Variants in PEX5L observed in about 807,000 individuals in gnomAD.
PEX5L encodes the protein peroxisomal biogenesis factor 5 like.
In PEX5L, 30 loss-of-function variants were observed where a neutral mutation model predicts 84.0. The observed-to-expected ratio is 0.36, with a 90% CI of 0.27 to 0.48. The LOEUF (loss-of-function observed/expected upper bound fraction) is 0.48. Among genes scored for constraint, PEX5L ranks in the 20% least tolerant of loss-of-function variants. The pLI, the probability that PEX5L is intolerant of heterozygous loss-of-function variation, is 0.99. For missense variants in PEX5L, 533 were observed against 754.6 expected (o/e 0.71, Z 3.44); for synonymous variants, 270 against 283.1 (o/e 0.95, Z 0.46).
intron 2 of PEX5L, among the ~76,000 whole-genome samples, chr3:179,950,861 G>GT (rs1298736705): frequency 6.6e-6 from 1 of 152,194 alleles, no homozygotes; most frequent in African/African-American, 2.4e-5. Context: ...GAGGAAATTG[G>GT]TAAGTATTCT....
chr3:179,809,393 G>A (rs1221815084), intron 12 of PEX5L, 78 bp downstream of exon 12: 2 of 1,040,794 alleles, frequency 1.9e-6, no homozygotes, highest in African/African-American at 1.6e-5. Context: ...TAGGGTGTGA[G>A]GCTCATTAGT....
At chr3:179,888,079 G>C in intron 3 of PEX5L, 1 of 1,028,564 alleles carries the variant, frequency 9.7e-7, no homozygotes, top group Non-Finnish European at 1.3e-6. Flanking sequence ...AAAATGACAC[G>C]TATTGAATCA....
rs1204423418 is a variant in PEX5L at position 179,800,337 on chromosome 3, A to G, written c.*1491T>C. 1.3e-5 allele frequency: 2 copies of G among 152,218 alleles called. No individual in the cohort carries two copies. The highest frequency in any genetic ancestry group is 4.8e-5 in the African/African-American group (2 of 41,450). 9.4% of individuals were successfully genotyped at this position (152,218 alleles called of 1,614,324 possible). A position where few individuals can be genotyped will look rare whatever the true frequency, so the allele number is the denominator to read the frequency against. On this transcript the variant is annotated 3_prime_UTR_variant, in exon 15 of 15. Coordinates refer to ENST00000467460, the MANE Select transcript of PEX5L (RefSeq NM_016559.3). Reference sequence around the variant, plus strand: ...GCTATTATTATCAAAGAACATAAATAAAAAGTTGTTAGGATTAGCTACTGT... The same window carrying G: ...GCTATTATTATCAAAGAACATAAATGAAAAGTTGTTAGGATTAGCTACTGT...
At chr3:180,032,238 G>T (rs763678987) in intron 1 of PEX5L, among the ~76,000 whole-genome samples, 11 of 152,164 alleles carry the variant, frequency 7.2e-5, no homozygotes, top group South Asian at 2.1e-4. Context: ...CTTCAACAGA[G>T]TTCTAGTTAA....
intron 1 of PEX5L, among the ~76,000 whole-genome samples, chr3:180,030,419 C>T (rs1265526958): frequency 6.6e-6 from 1 of 152,170 alleles, no homozygotes. Flanking sequence ...TTACCTTACC[C>T]TAACTTAACA....
At chr3:179,949,052 CAT>C (rs1160755793) in intron 2 of PEX5L, among the ~76,000 whole-genome samples, 2 of 152,110 alleles carry the variant, frequency 1.3e-5, no homozygotes, top group Non-Finnish European at 1.5e-5. Flanking sequence ...TTAGATGAAA[CAT>C]GTGGCCGTAT....
intron 2 of PEX5L, among the ~76,000 whole-genome samples, chr3:179,923,310 A>AAAC (rs1770388088): frequency 6.6e-6 from 1 of 151,586 alleles, no homozygotes; most frequent in Non-Finnish European, 1.5e-5. Context: ...AAAAAAAAAA[A>AAAC]ACACCCTCAA....
intron 1 of PEX5L, among the ~76,000 whole-genome samples, chr3:179,985,342 A>T (rs763286334): frequency 6.6e-6 from 1 of 152,242 alleles, no homozygotes; most frequent in African/African-American, 2.4e-5. Flanking sequence ...AGACAGAAAT[A>T]GAAGAATGGC....
intron 9 of PEX5L, among the ~76,000 whole-genome samples, chr3:179,818,867 CA>C (rs568749705): frequency 1.9e-4 from 28 of 145,920 alleles, no homozygotes; most frequent in African/African-American, 7.2e-4. Context: ...TTTTTTAAGA[CA>C]GGGTCTCATT....
At chr3:180,024,889 C>T (rs1482325095) in intron 1 of PEX5L, among the ~76,000 whole-genome samples, 1 of 152,072 alleles carries the variant, frequency 6.6e-6, no homozygotes, top group Non-Finnish European at 1.5e-5. Flanking sequence ...TGTTGACAAC[C>T]AGCTGAAGTG....
At chr3:180,027,585 C>T (rs1321254565) in intron 1 of PEX5L, among the ~76,000 whole-genome samples, 3 of 152,030 alleles carry the variant, frequency 2.0e-5, no homozygotes, top group African/African-American at 4.8e-5. Context: ...CGTGTATGTC[C>T]TATGAACAAG....
At chr3:179,941,944 C>A (rs1776216303) in intron 2 of PEX5L, among the ~76,000 whole-genome samples, 1 of 143,360 alleles carries the variant, frequency 7.0e-6, no homozygotes, top group South Asian at 2.2e-4. Context: ...TCGCTTGAAC[C>A]CGGGAGGCGG....
intron 8 of PEX5L, among the ~76,000 whole-genome samples, chr3:179,829,997 A>T (rs530753022): frequency 7.4e-4 from 92 of 123,942 alleles, no homozygotes; most frequent in Non-Finnish European, 1.3e-3. Flanking sequence ...GGGTTTCACC[A>T]TGTTGGCCAG....
At chr3:179,879,831 C>T (rs1753623407) in intron 5 of PEX5L, 98 bp downstream of exon 5, 2 of 819,300 alleles carry the variant, frequency 2.4e-6, no homozygotes, top group South Asian at 2.3e-5. Flanking sequence ...CTTTTCTACT[C>T]CTTTGTTCTC....
At chr3:179,884,902 G>A (rs538943079) in intron 4 of PEX5L, among the ~76,000 whole-genome samples, 22 of 152,084 alleles carry the variant, frequency 1.4e-4, no homozygotes, top group African/African-American at 4.6e-4. Flanking sequence ...CAAAAGATAC[G>A]TTCTTTTAGG....
chr3:180,029,218 G>T (rs534301827), intron 1 of PEX5L, among the ~76,000 whole-genome samples: 1 of 151,876 alleles, frequency 6.6e-6, no homozygotes, highest in African/African-American at 2.4e-5. Context: ...TAATAGAGAC[G>T]GGGTTTCACC....
chr3:180,023,800 A>AG lies in PEX5L; in HGVS notation c.21+12778dup, dbSNP rs1790645824. On this transcript the variant is annotated intron_variant, in intron 1 of 14. Coordinates refer to ENST00000467460, the MANE Select transcript of PEX5L (RefSeq NM_016559.3). Reference sequence around the variant, plus strand: ...GAGAGAGAGAGAGAGAGAGAGAGGGAGAGACTAGCTGCTTGGTAGAGGAGA... The same window carrying AG: ...GAGAGAGAGAGAGAGAGAGAGAGGGAGGAGACTAGCTGCTTGGTAGAGGAGA... 4.2e-4 allele frequency among the ~76,000 whole-genome samples: 63 copies of AG among 148,256 alleles called. 1 individual carries two copies. Among genetic ancestry groups the AG allele is most frequent in the African/African-American group, 1.5e-3 (58 of 37,972 alleles).
chr3:179,837,774 G>A (rs948835759), intron 8 of PEX5L, among the ~76,000 whole-genome samples: 10 of 152,182 alleles, frequency 6.6e-5, no homozygotes, highest in Non-Finnish European at 8.8e-5. Context: ...TGTTGCACAC[G>A]GATAAATACG....
At chr3:179,898,940 T>C (rs1035974722) in intron 2 of PEX5L, among the ~76,000 whole-genome samples, 4 of 152,098 alleles carry the variant, frequency 2.6e-5, no homozygotes, top group Non-Finnish European at 5.9e-5. Context: ...GGATAATTAA[T>C]ACGTAAAGGA....
Sources: allele counts gnomAD v4.1 joint callset (sites outside exome capture counted in the v4.1 genomes callset), GRCh38; gene constraint gnomAD v4.1.1; transcripts MANE v1.5; gene names NCBI Gene and HGNC (gene_info 2026-07-23, HGNC 2026-07-21).